Variants in PCDH11Y observed in about 807,000 individuals in gnomAD.
PCDH11Y encodes the protein protocadherin 11 Y-linked.
For synonymous variants in PCDH11Y, 9 were observed against 83.6 expected (o/e 0.11, Z 4.87); for missense variants, 12 against 224.8 (o/e 0.05, Z 6.05).
At chrY:5,487,407 C>T (rs2124686647) in intron 2 of PCDH11Y, among the ~76,000 whole-genome samples, 1 of 32,758 alleles carries the variant, frequency 3.1e-5, no homozygotes, top group East Asian at 8.2e-4. Context: ...CCATCTTGGC[C>T]AGGCTGGTCT....
intron 1 of PCDH11Y, among the ~76,000 whole-genome samples, chrY:5,016,018 G>C: frequency 3.3e-5 from 1 of 30,076 alleles, no homozygotes; most frequent in Non-Finnish European, 8.0e-5. Context: ...GGCTTCCCCA[G>C]CTACGTGGAA....
At chrY:5,288,895 GT>G (rs2053063657) in intron 2 of PCDH11Y, among the ~76,000 whole-genome samples, 1 of 31,364 alleles carries the variant, frequency 3.2e-5, no homozygotes, top group Non-Finnish European at 7.7e-5. Context: ...CCTCATTTTA[GT>G]TATAAACTTT....
At chrY:5,737,907 G>T in exon 5 of PCDH11Y, 1 of 399,099 alleles carries the variant, frequency 2.5e-6, no homozygotes, top group Admixed American at 7.4e-5. Context: ...ACCGTCCAGA[G>T]GTGATTCCCC....
At chrY:5,362,987 T>C in intron 2 of PCDH11Y, among the ~76,000 whole-genome samples, 2 of 32,466 alleles carry the variant, frequency 6.2e-5, no homozygotes, top group African/African-American at 2.4e-4. Flanking sequence ...TTATTTTCCA[T>C]AAATTATGGC....
intron 3 of PCDH11Y, among the ~76,000 whole-genome samples, chrY:5,557,884 T>C (rs2124694727): frequency 5.5e-4 from 18 of 32,745 alleles, no homozygotes; most frequent in African/African-American, 2.1e-3. Context: ...TTTTTAATGA[T>C]GAAGGGATGT....
chrY:5,028,037 C>A, intron 1 of PCDH11Y, among the ~76,000 whole-genome samples: 3 of 33,385 alleles, frequency 9.0e-5, no homozygotes, highest in Non-Finnish European at 2.2e-4. Flanking sequence ...TTGTTCTATG[C>A]AAATTAAATT....
At chrY:5,143,117 C>T (rs2052852797) in intron 2 of PCDH11Y, among the ~76,000 whole-genome samples, 15 of 32,059 alleles carry the variant, frequency 4.7e-4, no homozygotes, top group Admixed American at 8.6e-4. Flanking sequence ...TAAAGAGTGA[C>T]GGGGAAAAAG....
intron 2 of PCDH11Y, among the ~76,000 whole-genome samples, chrY:5,390,766 T>G (rs2053220518): frequency 3.0e-5 from 1 of 32,821 alleles, no homozygotes; most frequent in East Asian, 8.0e-4. Context: ...AAAGTGAAAC[T>G]GACAAGGATA....
At chrY:5,185,282 T>G in intron 2 of PCDH11Y, among the ~76,000 whole-genome samples, 1 of 32,807 alleles carries the variant, frequency 3.0e-5, no homozygotes, top group Non-Finnish European at 7.4e-5. Context: ...TTTCACCATG[T>G]TGGCCAGGCT....
chrY:5,011,411 T>C (rs2052549816), intron 1 of PCDH11Y, among the ~76,000 whole-genome samples: 1 of 34,197 alleles, frequency 2.9e-5, no homozygotes, highest in Non-Finnish European at 7.3e-5. Context: ...CCTAAAGATA[T>C]TGGTTTGTAA....
At chrY:5,661,074 G>A in intron 4 of PCDH11Y, among the ~76,000 whole-genome samples, 1 of 32,695 alleles carries the variant, frequency 3.1e-5, no homozygotes, top group South Asian at 6.8e-4. Context: ...GGCTGAGGCC[G>A]GAGAATTGCT....
At chrY:5,513,069 T>C in intron 3 of PCDH11Y, among the ~76,000 whole-genome samples, 3 of 32,408 alleles carry the variant, frequency 9.3e-5, no homozygotes, top group Admixed American at 5.7e-4. Context: ...CTCGTTCTGT[T>C]GCCCAGGCTG....
intron 2 of PCDH11Y, among the ~76,000 whole-genome samples, chrY:5,297,324 G>T (rs2053075962): frequency 3.0e-5 from 1 of 32,844 alleles, no homozygotes; most frequent in Admixed American, 2.8e-4. Context: ...GAGCCACACT[G>T]CCTGGGGTAG....
intron 3 of PCDH11Y, among the ~76,000 whole-genome samples, chrY:5,508,361 A>G: frequency 3.0e-5 from 1 of 33,066 alleles, no homozygotes; most frequent in Non-Finnish European, 7.5e-5. Flanking sequence ...TAGAGATAAC[A>G]GTGTTCGCTT....
intron 1 of PCDH11Y, among the ~76,000 whole-genome samples, chrY:5,068,210 A>G: frequency 1.0e-4 from 3 of 29,239 alleles, no homozygotes; most frequent in Non-Finnish European, 2.4e-4. Flanking sequence ...TTTTACTGAC[A>G]ACAGCTTTTT....
chrY:5,417,955 C>T (rs207480346), intron 2 of PCDH11Y, among the ~76,000 whole-genome samples: 4 of 33,587 alleles, frequency 1.2e-4, no homozygotes, highest in Non-Finnish European at 2.2e-4. Context: ...GGCTCCCAGA[C>T]GTTTACGAAG....
At chrY:5,336,294 C>T (rs2053136808) in intron 2 of PCDH11Y, among the ~76,000 whole-genome samples, 1 of 31,897 alleles carries the variant, frequency 3.1e-5, no homozygotes, top group African/African-American at 1.2e-4. Context: ...TTATTTGAGA[C>T]GGAGTCTCAC....
intron 3 of PCDH11Y, among the ~76,000 whole-genome samples, chrY:5,553,840 G>T (rs2053421202): frequency 3.1e-5 from 1 of 31,968 alleles, no homozygotes; most frequent in African/African-American, 1.2e-4. Flanking sequence ...TCTGTAAATT[G>T]CCCAGTCTCA....
At chrY:5,190,007 C>T in intron 2 of PCDH11Y, among the ~76,000 whole-genome samples, 1 of 33,355 alleles carries the variant, frequency 3.0e-5, no homozygotes, top group Non-Finnish European at 7.4e-5. Flanking sequence ...CACTGTGTAT[C>T]ACACAATGTA....
Sources: gnomAD v4.1 joint callset for allele counts (sites outside exome capture counted in the v4.1 genomes callset) on GRCh38, gnomAD v4.1.1 for gene constraint, MANE v1.5 for transcripts, NCBI Gene and HGNC (gene_info 2026-07-23, HGNC 2026-07-21) for gene names.